Variants in DPY19L3 observed in about 807,000 individuals in gnomAD.
DPY19L3 encodes the protein protein C-mannosyl-transferase DPY19L3.
DPY19L3 carries 51 observed loss-of-function variants against 92.3 expected under a neutral mutation model. That is an observed-to-expected ratio of 0.55 (90% CI 0.44 to 0.70). DPY19L3 has a LOEUF of 0.70. DPY19L3 is among the 30% of genes least tolerant of loss of function. DPY19L3 has a pLI of 0.00. For synonymous variants in DPY19L3, 309 were observed against 315.2 expected, an observed-to-expected ratio of 0.98 and a Z score of 0.21; for missense variants, 706 against 855.9, an observed-to-expected ratio of 0.82 and a Z score of 2.18.
chr19:32,443,803 T>C (rs1969398414), intron 8 of DPY19L3, among the ~76,000 whole-genome samples: 1 of 152,180 alleles, frequency 6.6e-6, no homozygotes, highest in Non-Finnish European at 1.5e-5. Flanking sequence ...CTCATGCCTG[T>C]AATCTCAGCC....
At chr19:32,464,547 T>C (rs777596687) in intron 14 of DPY19L3, among the ~76,000 whole-genome samples, 181 bp from the exon 15 acceptor site, 2 of 152,074 alleles carry the variant, frequency 1.3e-5, no homozygotes, top group African/African-American at 4.8e-5. Flanking sequence ...GGCAGAAGTG[T>C]TTAAAAAAGC....
At chr19:32,479,809 G>A (rs1310447475) in intron 17 of DPY19L3, among the ~76,000 whole-genome samples, 1 of 152,228 alleles carries the variant, frequency 6.6e-6, no homozygotes, top group East Asian at 1.9e-4. Flanking sequence ...TGCTGCAAGT[G>A]GCTCTCACCC....
intron 2 of DPY19L3, among the ~76,000 whole-genome samples, chr19:32,410,987 A>G (rs1027910888): frequency 6.6e-6 from 1 of 152,176 alleles, no homozygotes; most frequent in Non-Finnish European, 1.5e-5. Context: ...CATGAATAAG[A>G]TAATGTATTT....
intron 8 of DPY19L3, among the ~76,000 whole-genome samples, chr19:32,440,457 A>T (rs1012426729): frequency 2.0e-5 from 3 of 152,234 alleles, no homozygotes; most frequent in Admixed American, 6.5e-5. Context: ...GTACAGTTTT[A>T]AAATGGCTTA....
chr19:32,440,713 G>T (rs1969295020), intron 8 of DPY19L3, among the ~76,000 whole-genome samples: 1 of 152,178 alleles, frequency 6.6e-6, no homozygotes, highest in Admixed American at 6.5e-5. Context: ...ATGCCAATAT[G>T]TGTAATTCAT....
chr19:32,416,938 G>A (rs1968398309), intron 3 of DPY19L3, among the ~76,000 whole-genome samples: 1 of 152,232 alleles, frequency 6.6e-6, no homozygotes, highest in South Asian at 2.1e-4. Context: ...ATGGTTGAGT[G>A]TTCTGGCTTG....
At chr19:32,443,644 T>C (rs908492956) in intron 8 of DPY19L3, among the ~76,000 whole-genome samples, 1 of 152,124 alleles carries the variant, frequency 6.6e-6, no homozygotes, top group African/African-American at 2.4e-5. Flanking sequence ...GCTACCCAGA[T>C]TACGGTATTT....
At chr19:32,408,076 C>T (rs1367735061) in intron 1 of DPY19L3, 141 bp from the exon 2 acceptor site, 3 of 579,752 alleles carry the variant, frequency 5.2e-6, no homozygotes, top group Admixed American at 6.8e-5. Flanking sequence ...CAGTGAGACC[C>T]TGTCTTGGGG....
chr19:32,406,727 T>C (rs1967967195), intron 1 of DPY19L3, among the ~76,000 whole-genome samples: 2 of 152,206 alleles, frequency 1.3e-5, no homozygotes. Context: ...TTTGATCTGA[T>C]GGAGGAACTT....
At chr19:32,458,532 A>C (rs1056481380) in intron 12 of DPY19L3, 23 bp downstream of exon 12, 1 of 1,588,082 alleles carries the variant, frequency 6.3e-7, no homozygotes, top group African/African-American at 1.4e-5. Flanking sequence ...TCAGAAATCT[A>C]ATGCTCTCCT....
chr19:32,443,691 T>A (rs1481855419), intron 8 of DPY19L3, among the ~76,000 whole-genome samples: 1 of 152,168 alleles, frequency 6.6e-6, no homozygotes, highest in Non-Finnish European at 1.5e-5. Context: ...AGACACATGG[T>A]GTCACAGGAG....
At chr19:32,409,838 C>T (rs1248451821) in intron 2 of DPY19L3, among the ~76,000 whole-genome samples, 1 of 152,186 alleles carries the variant, frequency 6.6e-6, no homozygotes, top group Non-Finnish European at 1.5e-5. Context: ...TTTATAAGGG[C>T]TCTGGTTCCA....
intron 3 of DPY19L3, among the ~76,000 whole-genome samples, chr19:32,420,319 T>C (rs1968526311): frequency 6.6e-6 from 1 of 152,178 alleles, no homozygotes; most frequent in Non-Finnish European, 1.5e-5. Context: ...GTGAAGAATC[T>C]GGATGGGAAC....
Position 32,439,836 on chromosome 19 carries a change from A to C in DPY19L3, c.781A>C (p.Asn261His), listed in dbSNP as rs1969267007. Residue 261 changes from asparagine to histidine, a missense_variant, in exon 8 of 19, where the codon AAT (asparagine) becomes CAT (histidine). Physicochemically the swap from Asn to His is moderately conservative, Grantham distance 68. Coordinates refer to ENST00000392250, the MANE Select transcript of DPY19L3 (RefSeq NM_001172774.2). The stretch of plus-strand genomic sequence containing the variant: ...TCTCTTTAGTCTGACATGGCAATTT[A>C]ATCAATTTATGATGCTGATGCAAGC... Reference protein sequence around the residue: ...TFLFSLTWQFNQFMMLMQALV... With the variant: ...TFLFSLTWQFHQFMMLMQALV... The C allele has an allele frequency of 7.4e-6, 12 of 1,613,900 alleles. No individual in the cohort carries two copies. Among genetic ancestry groups the C allele is most frequent in the Non-Finnish European group, 1.0e-5 (12 of 1,179,850 alleles).
chr19:32,447,174 C>T (rs544042294), intron 8 of DPY19L3, among the ~76,000 whole-genome samples: 1 of 152,186 alleles, frequency 6.6e-6, no homozygotes, highest in East Asian at 1.9e-4. Context: ...TAAGAGGAAC[C>T]TCGGAGAGCA....
Position 32,443,444 on chromosome 19 carries a change from AT to A in DPY19L3, c.855+3536del, listed in dbSNP as rs1156641985. ...GGTAGGTAGGGCCTTTTAGAAGGTG[AT>A]TAGTGCCATTATAAAACAGGCACAA... On this transcript the variant is annotated intron_variant, in intron 8 of 18. Coordinates refer to ENST00000392250, the MANE Select transcript of DPY19L3 (RefSeq NM_001172774.2). 3.3e-5 allele frequency among the ~76,000 whole-genome samples: 5 copies of A among 152,294 alleles called. 1 individual carries two copies. In the South Asian group the frequency reaches 1.0e-3, roughly 32 times the overall value.
chr19:32,482,336 A>G lies in DPY19L3; in HGVS notation c.*96A>G. ...TTTCCTATGTAAGTAGGTAGCCCAA[A>G]CCTTCAAGCTGTGATATGAGTAAGT... is the stretch of plus-strand genomic sequence containing the variant. On this transcript the variant is annotated 3_prime_UTR_variant, in exon 19 of 19. Coordinates refer to ENST00000392250, the MANE Select transcript of DPY19L3 (RefSeq NM_001172774.2). 5.7e-6 allele frequency: 8 copies of G among 1,408,120 alleles called. No homozygotes were observed. In the South Asian group the frequency reaches 9.6e-5, roughly 17 times the overall value. 87.2% of individuals were successfully genotyped at this position (1,408,120 alleles called of 1,614,324 possible).
At chr19:32,466,173 G>A (rs1337408961) in intron 15 of DPY19L3, among the ~76,000 whole-genome samples, 3 of 152,104 alleles carry the variant, frequency 2.0e-5, no homozygotes, top group South Asian at 4.1e-4. Flanking sequence ...TGTTTTGTTC[G>A]TAATAAAATT....
intron 15 of DPY19L3, chr19:32,467,359 A>G (rs1970231668): frequency 7.3e-6 from 6 of 820,422 alleles, no homozygotes; most frequent in Admixed American, 6.2e-5. Context: ...AGAGCATTTC[A>G]TTAAAAAGTT....
Sources: gnomAD v4.1 joint callset for allele counts (sites outside exome capture counted in the v4.1 genomes callset) on GRCh38, gnomAD v4.1.1 for gene constraint, MANE v1.5 for transcripts, NCBI Gene and HGNC (gene_info 2026-07-23, HGNC 2026-07-21) for gene names.